The following PDIA5 variants were observed in gnomAD, a reference collection of about 807,000 sequenced individuals.
The protein encoded by PDIA5 is protein disulfide-isomerase A5.
In PDIA5, 58 loss-of-function variants were observed where a neutral mutation model predicts 77.6. The ratio of observed to expected loss-of-function variants is 0.75; its 90% CI spans 0.61 to 0.93. PDIA5 has a LOEUF of 0.93. Ranked by LOEUF, PDIA5 falls within the 40% of genes least tolerant of loss-of-function variation. The probability of loss-of-function intolerance (pLI) is 0.00; values close to 1 mark genes in which losing one functional copy is unlikely to be tolerated. For synonymous variants in PDIA5, 250 were observed against 252.1 expected (o/e 0.99, Z 0.08); for missense variants, 630 against 647.7 (o/e 0.97, Z 0.30).
chr3:123,140,100 G>C (rs1324946899), intron 11 of PDIA5, among the ~76,000 whole-genome samples: 1 of 152,158 alleles, frequency 6.6e-6, no homozygotes, highest in East Asian at 1.9e-4. Flanking sequence ...TGTAAAGAGG[G>C]GTAAGCCGCA....
rs867397685 is a variant in PDIA5, at chr3:123,097,695, T to C, written c.258-4716T>C. ...TTGCTCAGCACTCGCCCCCGCCCCC[T>C]CCCCCTCCATTTTCTTCATGTCCTT... is the stretch of plus-strand genomic sequence containing the variant. On this transcript the variant is annotated intron_variant, in intron 3 of 16. Transcript: ENST00000316218. Among the ~76,000 whole-genome samples, 550 of 123,558 alleles carry C rather than the reference T, an allele frequency of 4.5e-3. 2 individuals are homozygous for C. Among genetic ancestry groups the C allele is most frequent in the African/African-American group, 0.015 (466 of 30,762 alleles). 81.1% of individuals were successfully genotyped at this position (123,558 alleles called of 152,430 possible). A position where few individuals can be genotyped will look rare whatever the true frequency, so the allele number is the denominator to read the frequency against.
rs769335783 is a variant in PDIA5, at chr3:123,088,982, G to A, written c.43-186G>A. 4.6e-4 allele frequency: 244 copies of A among 526,962 alleles called. 1 individual carries two copies. The highest frequency in any genetic ancestry group is 9.9e-4 in the Middle Eastern group (2 of 2,030). The allele number at this position is 526,962 out of a possible 1,614,324, so 32.6% of individuals were successfully genotyped here. ...CCTTATAAAAGTGCCTGGAGGGGAA[G>A]GGAGACTGGGAGTGGGCTGGGGAGT... On this transcript the variant is annotated intron_variant, in intron 1 of 16. Transcript: ENST00000316218.
intron 11 of PDIA5, among the ~76,000 whole-genome samples, chr3:123,143,429 G>A (rs1157548376): frequency 2.0e-5 from 3 of 150,964 alleles, no homozygotes; most frequent in Non-Finnish European, 4.4e-5. Context: ...GGTACCTAGA[G>A]CCCAGCATGA....
intron 8 of PDIA5, among the ~76,000 whole-genome samples, chr3:123,123,583 G>A (rs746044103): frequency 6.6e-5 from 10 of 152,246 alleles, no homozygotes; most frequent in Admixed American, 3.3e-4. Context: ...TGAGCAAACC[G>A]TGAGGTATCC....
At chr3:123,151,658 C>A (rs1935894574) in intron 14 of PDIA5, among the ~76,000 whole-genome samples, 1 of 152,250 alleles carries the variant, frequency 6.6e-6, no homozygotes. Flanking sequence ...CTGGGACCGA[C>A]AGGTGCTTGA....
intron 14 of PDIA5, among the ~76,000 whole-genome samples, chr3:123,153,077 T>C (rs1474363239): frequency 6.6e-6 from 1 of 151,856 alleles, no homozygotes; most frequent in Non-Finnish European, 1.5e-5. Context: ...TCCCTCCCAT[T>C]ACTCATTGGC....
chr3:123,155,428 A>G (rs972913780), intron 15 of PDIA5, among the ~76,000 whole-genome samples: 1 of 152,250 alleles, frequency 6.6e-6, no homozygotes, highest in African/African-American at 2.4e-5. Flanking sequence ...GAGCAAGGCC[A>G]TGTCAGTGGA....
At chr3:123,124,474 C>A in intron 10 of PDIA5, 131 bp downstream of exon 10, 1 of 741,294 alleles carries the variant, frequency 1.3e-6, no homozygotes, top group Non-Finnish European at 2.4e-6. Flanking sequence ...ACTGCCTACA[C>A]AGCTGTCTCT....
chr3:123,151,819 G>GCCTT (rs1935908132), intron 14 of PDIA5, among the ~76,000 whole-genome samples: 1 of 109,922 alleles, frequency 9.1e-6, no homozygotes, highest in Non-Finnish European at 1.9e-5. Flanking sequence ...CTGCCTGCCT[G>GCCTT]CCTGCCTGCC....
At chr3:123,086,525 A>T (rs941540435) in intron 1 of PDIA5, among the ~76,000 whole-genome samples, 7 of 152,272 alleles carry the variant, frequency 4.6e-5, no homozygotes, top group African/African-American at 7.2e-5. Context: ...TTTTAAAAAA[A>T]TTTTTTCTGG....
chr3:123,145,438 G>C, intron 11 of PDIA5, 84 bp from the exon 12 acceptor site: 1 of 943,460 alleles, frequency 1.1e-6, no homozygotes, highest in African/African-American at 1.6e-5. Context: ...GAATGGGACT[G>C]AGCTGCCTTA....
intron 11 of PDIA5, among the ~76,000 whole-genome samples, chr3:123,142,086 T>G (rs111602641): frequency 6.6e-6 from 1 of 152,328 alleles, no homozygotes; most frequent in African/African-American, 2.4e-5. Flanking sequence ...CTCAAGAATG[T>G]CAGTGCCTGG....
At chr3:123,067,455 G>A (rs950993453) in intron 1 of PDIA5, 21 of 393,822 alleles carry the variant, frequency 5.3e-5, no homozygotes, top group Middle Eastern at 6.3e-4. Context: ...GAGATCCCTG[G>A]CAGGGTGCTT....
intron 1 of PDIA5, among the ~76,000 whole-genome samples, chr3:123,087,544 TTC>T (rs1471489365): frequency 6.6e-6 from 1 of 152,152 alleles, no homozygotes; most frequent in African/African-American, 2.4e-5. Context: ...ATTTTCACGA[TTC>T]TCTGAGTATT....
intron 13 of PDIA5, 31 bp downstream of exon 13, chr3:123,146,290 A>G (rs916851083): frequency 6.3e-7 from 1 of 1,594,076 alleles, no homozygotes; most frequent in African/African-American, 1.3e-5. Flanking sequence ...AGCACATCCT[A>G]ACTGCCAGCT....
intron 3 of PDIA5, among the ~76,000 whole-genome samples, chr3:123,095,286 A>G (rs930677172): frequency 6.6e-6 from 1 of 152,220 alleles, no homozygotes; most frequent in Non-Finnish European, 1.5e-5. Flanking sequence ...TTTTTCATCT[A>G]GACAAGTTTG....
intron 7 of PDIA5, 87 bp from the exon 8 acceptor site, chr3:123,116,144 A>C: frequency 9.9e-7 from 1 of 1,007,640 alleles, no homozygotes; most frequent in Non-Finnish European, 1.6e-6. Flanking sequence ...CTTGTTGGGT[A>C]GAGGATGGCC....
chr3:123,111,127 T>C (rs1286790741), intron 7 of PDIA5, 123 bp downstream of exon 7: 1 of 721,876 alleles, frequency 1.4e-6, no homozygotes, highest in Non-Finnish European at 2.5e-6. Flanking sequence ...GAACGCTGAA[T>C]CTCATCTCTC....
chr3:123,091,039 A>C (rs929320532), intron 2 of PDIA5, among the ~76,000 whole-genome samples: 1 of 152,112 alleles, frequency 6.6e-6, no homozygotes, highest in Admixed American at 6.5e-5. Context: ...AGGTTAGGGC[A>C]GGGGGTACTT....
Sources: allele counts gnomAD v4.1 joint callset (sites outside exome capture counted in the v4.1 genomes callset), GRCh38; gene constraint gnomAD v4.1.1; transcripts MANE v1.5; gene names NCBI Gene and HGNC (gene_info 2026-07-23, HGNC 2026-07-21).